ICE1: variants seen among roughly 807,000 people sequenced by gnomAD.
ICE1 encodes the protein interactor of little elongation complex ELL subunit 1, also known as little elongation complex subunit 1.
ICE1 carries 64 observed loss-of-function variants against 192.7 expected under a neutral mutation model. The observed-to-expected ratio is 0.33, with a 90% CI of 0.27 to 0.41. The LOEUF (loss-of-function observed/expected upper bound fraction) is 0.41, where lower values mean the gene tolerates loss of function less well. Among genes scored for constraint, ICE1 ranks in the 10% least tolerant of loss-of-function variants. The probability of loss-of-function intolerance (pLI) is 1.00; values close to 1 mark genes in which losing one functional copy is unlikely to be tolerated. For missense variants in ICE1, 2,708 were observed against 2,696.0 expected, an observed-to-expected ratio of 1.00 and a Z score of -0.10; for synonymous variants, 1,010 against 984.5, an observed-to-expected ratio of 1.03 and a Z score of -0.49.
At chr5:5,425,790 T>C (rs889912905) in intron 1 of ICE1, among the ~76,000 whole-genome samples, 4 of 152,102 alleles carry the variant, frequency 2.6e-5, no homozygotes, top group African/African-American at 9.7e-5. Context: ...TGCAACTAGG[T>C]ATGGTAAATT....
intron 17 of ICE1, among the ~76,000 whole-genome samples, chr5:5,476,843 C>T (rs1315251816): frequency 6.6e-6 from 1 of 152,164 alleles, no homozygotes; most frequent in Non-Finnish European, 1.5e-5. Flanking sequence ...GATATCTTCA[C>T]ACCACCTGCC....
chr5:5,474,158 G>A (rs1007853422), intron 16 of ICE1, among the ~76,000 whole-genome samples: 1 of 151,450 alleles, frequency 6.6e-6, no homozygotes, highest in Non-Finnish European at 1.5e-5. Context: ...TGCAGTGAGC[G>A]GAGATTGTGC....
intron 17 of ICE1, among the ~76,000 whole-genome samples, chr5:5,484,319 T>C (rs572456401): frequency 1.5e-4 from 23 of 152,354 alleles, no homozygotes; most frequent in Non-Finnish European, 2.9e-4. Context: ...GGAGCCCTTA[T>C]AACATGATGA....
intron 14 of ICE1, among the ~76,000 whole-genome samples, chr5:5,466,948 TTAC>T (rs1739004832): frequency 6.6e-6 from 1 of 151,838 alleles, no homozygotes; most frequent in Non-Finnish European, 1.5e-5. Context: ...TCTTTTCTCT[TTAC>T]TATTTCTTCC....
Position 5,489,305 on chromosome 5 carries a change from C to T in ICE1, c.6776C>T (p.Ala2259Val). ...AIVSCLEEVS[A>V]LSTEELG ...GTCAGCTGCCTAGAGGAAGTCAGTG[C>T]CCTGAGCACAGAGGAGCTTGGCTGA... The change falls in exon 19 of 19, where the codon GCC becomes GTC. Residue 2259 changes from alanine to valine, a missense_variant. Ala to Val is a moderately conservative substitution (Grantham distance 64). Coordinates refer to ENST00000296564, the MANE Select transcript of ICE1 (RefSeq NM_015325.3). The T allele has an allele frequency of 6.2e-7, 1 of 1,612,748 alleles. No homozygotes were observed. The highest frequency in any genetic ancestry group is 2.2e-5 in the East Asian group (1 of 44,842).
At position 5,464,612 on chromosome 5, in the gene ICE1, T is replaced by C. The variant is rs759254694; in HGVS notation, c.5278T>C (p.Ser1760Pro). The C allele has an allele frequency of 5.6e-6, 9 of 1,612,068 alleles. No homozygotes were observed. Among genetic ancestry groups the C allele is most frequent in the South Asian group, 2.2e-5 (2 of 90,780 alleles). ...CCTTGACACCATGTATCCAGAGTTA[T>C]CTGCCAGGGCCCGGACCCTCAACAT... is the stretch of plus-strand genomic sequence containing the variant. ...KILDTMYPELSARARTLNILK... is the reference protein window; with the variant it reads ...KILDTMYPELPARARTLNILK... The change falls in exon 13 of 19, where the codon TCT (serine) becomes CCT (proline). Residue 1760 changes from serine to proline, a missense_variant. Coordinates refer to ENST00000296564, the MANE Select transcript of ICE1 (RefSeq NM_015325.3). This position sits in a 1 kb window ranked among gnomAD's most constrained non-coding sequence, Gnocchi z 4.0.
chr5:5,463,421 C>G lies in ICE1; in HGVS notation c.4087C>G (p.Leu1363Val). 6.2e-7 allele frequency: 1 copy of G among 1,613,364 alleles called. No homozygotes were observed. Residue 1363 changes from leucine (L) to valine (V), a missense_variant, in exon 13 of 19, where the codon CTG (leucine) becomes GTG (valine). Physicochemically the swap from Leu to Val is conservative, Grantham distance 32. Coordinates refer to ENST00000296564, the MANE Select transcript of ICE1 (RefSeq NM_015325.3). ...GCAAACCGATGGTGGGGAAGAAGAC[C>G]TGCCAGAACCTGTGGAGCCATCAGC... is the stretch of plus-strand genomic sequence containing the variant. ...GRQTDGGEEDLPEPVEPSALC... is the reference protein window; with the variant it reads ...GRQTDGGEEDVPEPVEPSALC...
In ICE1 at chr5:5,454,579, TCTGG is replaced by T; in HGVS notation, c.635_638del (p.Trp212SerfsTer3). On this transcript the variant is annotated frameshift_variant, in exon 11 of 19. Transcript: ENST00000296564. LOFTEE classifies it high-confidence loss of function. ...AAAGTGAAACTGCTTCTGAAGGAAC[TCTGG>T]CTCTGTGTAAACACAACACACAGAC... 1 of 1,613,556 alleles carries T rather than the reference TCTGG, an allele frequency of 6.2e-7. No individual in the cohort carries two copies. Among genetic ancestry groups the T allele is most frequent in the Non-Finnish European group, 8.5e-7 (1 of 1,179,662 alleles).
chr5:5,458,578 A>G (rs1738654925), intron 12 of ICE1, among the ~76,000 whole-genome samples: 1 of 152,100 alleles, frequency 6.6e-6, no homozygotes, highest in Non-Finnish European at 1.5e-5. Context: ...TTAAGGTGTG[A>G]GTGGGGTTGC....
In ICE1 at chr5:5,464,319, C is replaced by G. The variant is rs753356223; in HGVS notation, c.4985C>G (p.Pro1662Arg). ...PLISSSSPSS[P>R]ASPVGQVSPF... ...ATATCGAGTTCTAGTCCTTCCTCAC[C>G]AGCCTCTCCTGTTGGCCAGGTTTCT... The change falls in exon 13 of 19, where the codon CCA becomes CGA. Residue 1662 changes from proline to arginine, a missense_variant. By Grantham distance (103) the Pro-to-Arg change is moderately radical. This residue lies in a region of ICE1 where 2,366 missense variants were observed against 2,276.6 expected (regional missense o/e 1.04). Coordinates refer to ENST00000296564, the MANE Select transcript of ICE1 (RefSeq NM_015325.3). The surrounding 1 kb of genome is among the most constrained non-coding windows in gnomAD (Gnocchi z 4.0). 2 of 1,613,570 alleles carry G rather than the reference C, an allele frequency of 1.2e-6. No individual in the cohort carries two copies. Among genetic ancestry groups the G allele is most frequent in the Non-Finnish European group, 1.7e-6 (2 of 1,179,848 alleles).
At chr5:5,448,591 G>T (rs1031452613) in intron 10 of ICE1, among the ~76,000 whole-genome samples, 1 of 152,070 alleles carries the variant, frequency 6.6e-6, no homozygotes, top group Non-Finnish European at 1.5e-5. Context: ...TATCTCACAG[G>T]TTTTTTGTGG....
rs141353384 is a variant in ICE1, at chr5:5,444,179, A to G, written c.387-110A>G. On this transcript the variant is annotated intron_variant, in intron 6 of 18. Coordinates refer to ENST00000296564, the MANE Select transcript of ICE1 (RefSeq NM_015325.3). Reference sequence around the variant, plus strand: ...CTTAGGATACTAGTTCAGACTGAACATTTGTTATACAAATATTTGTAATTT... The same window carrying G: ...CTTAGGATACTAGTTCAGACTGAACGTTTGTTATACAAATATTTGTAATTT... 3.8e-4 allele frequency: 267 copies of G among 704,490 alleles called. No individual in the cohort carries two copies. The African/African-American group carries it at 4.0e-3, about 11-fold the overall frequency. The allele number at this position is 704,490 out of a possible 1,614,324, so 43.6% of individuals were successfully genotyped here.
At chr5:5,474,141 C>G (rs903520241) in intron 16 of ICE1, among the ~76,000 whole-genome samples, 2 of 150,248 alleles carry the variant, frequency 1.3e-5, no homozygotes, top group Non-Finnish European at 2.9e-5. Flanking sequence ...GCCCGGGAGG[C>G]AGAGCTTGCA....
At chr5:5,481,287 G>A (rs994639905) in intron 17 of ICE1, among the ~76,000 whole-genome samples, 1 of 151,526 alleles carries the variant, frequency 6.6e-6, no homozygotes, top group Non-Finnish European at 1.5e-5. Context: ...TTAAAATATG[G>A]TGATTTTTTT....
At chr5:5,454,747 A>G (rs1267561544) in intron 11 of ICE1, 109 bp downstream of exon 11, 2 of 704,048 alleles carry the variant, frequency 2.8e-6, no homozygotes, top group Non-Finnish European at 4.8e-6. Context: ...CATTGAAAGA[A>G]TGAAGTAAAC....
chr5:5,478,079 C>G (rs1184712289), intron 17 of ICE1, among the ~76,000 whole-genome samples: 1 of 152,218 alleles, frequency 6.6e-6, no homozygotes, highest in East Asian at 1.9e-4. Context: ...CAAGGATGCC[C>G]TCTCTTACCA....
In ICE1 at chr5:5,461,975, C is replaced by T; in HGVS notation, c.2641C>T (p.His881Tyr). 2 of 1,613,952 alleles carry T rather than the reference C, an allele frequency of 1.2e-6. No individual in the cohort carries two copies. The highest frequency in any genetic ancestry group is 1.7e-6 in the Non-Finnish European group (2 of 1,179,894). ...QSAKLEHLRP[H>Y]RVEPTLVTEN... ...TGCCAAATTGGAACACTTGAGGCCA[C>T]ATAGGGTTGAGCCTACCTTAGTAAC... Residue 881 changes from histidine (H) to tyrosine (Y), a missense_variant, in exon 13 of 19, where the codon CAT (histidine) becomes TAT (tyrosine). Transcript: ENST00000296564.
intron 1 of ICE1, 21 bp downstream of exon 1, chr5:5,423,020 C>T: frequency 7.4e-7 from 1 of 1,354,080 alleles, no homozygotes; most frequent in African/African-American, 1.5e-5. Flanking sequence ...TCCCGGGGCC[C>T]CGGGCGCGGG....
intron 11 of ICE1, 82 bp downstream of exon 11, chr5:5,454,720 A>G (rs985744963): frequency 5.7e-6 from 5 of 881,968 alleles, no homozygotes; most frequent in Middle Eastern, 5.0e-4. Context: ...TTACTTTTTA[A>G]TAGCTCCTGA....
Sources: allele counts gnomAD v4.1 joint callset (sites outside exome capture counted in the v4.1 genomes callset), GRCh38; gene constraint gnomAD v4.1.1; regional missense constraint gnomAD v4.1.1; non-coding constraint Gnocchi (gnomAD v3.1); transcripts MANE v1.5; gene names NCBI Gene and HGNC (gene_info 2026-07-23, HGNC 2026-07-21).